CEP63: variants seen among roughly 807,000 people sequenced by gnomAD.
CEP63 encodes centrosomal protein 63, also known as centrosomal protein of 63 kDa.
Under a neutral mutation model 89.1 loss-of-function variants are expected in CEP63, and 84 were observed. That is an observed-to-expected ratio of 0.94 (90% CI 0.79 to 1.13). The LOEUF (loss-of-function observed/expected upper bound fraction) is 1.13. Among genes scored for constraint, CEP63 ranks in the 50% most tolerant of loss-of-function variants. The probability of loss-of-function intolerance (pLI) is 0.00; values close to 1 mark genes in which losing one functional copy is unlikely to be tolerated. For missense variants in CEP63, 838 were observed against 813.3 expected (o/e 1.03, Z -0.37); for synonymous variants, 267 against 272.5 (o/e 0.98, Z 0.20).
chr3:134,544,356 C>T (rs1952721597), intron 6 of CEP63, among the ~76,000 whole-genome samples: 1 of 152,220 alleles, frequency 6.6e-6, no homozygotes, highest in South Asian at 2.1e-4. Flanking sequence ...CCCAATACTG[C>T]TGGGATGCAT....
the CEP63 span, among the ~76,000 whole-genome samples, chr3:134,711,092 C>G: frequency 6.6e-6 from 1 of 152,136 alleles, no homozygotes; most frequent in Non-Finnish European, 1.5e-5. Flanking sequence ...CTCCACTCTT[C>G]TCTTCCCCCA....
At chr3:134,735,193 A>G in the CEP63 span, among the ~76,000 whole-genome samples, 2 of 152,150 alleles carry the variant, frequency 1.3e-5, no homozygotes, top group Non-Finnish European at 2.9e-5. Flanking sequence ...GCTGCTTTCC[A>G]TCTTTTCTAT....
At chr3:134,547,236 A>G (rs1577281364) in intron 8 of CEP63, 99 bp from the exon 9 acceptor site, 1 of 1,137,380 alleles carries the variant, frequency 8.8e-7, no homozygotes, top group East Asian at 2.4e-5. Context: ...AAGAGTTCCA[A>G]AGAGGTTACC....
the CEP63 span, among the ~76,000 whole-genome samples, chr3:134,709,664 G>GTTCTCATAATATT: frequency 6.6e-6 from 1 of 152,190 alleles, no homozygotes; most frequent in Non-Finnish European, 1.5e-5. Context: ...TGCAGCACTT[G>GTTCTCATAATATT]CTCATAAATA....
At chr3:134,556,628 A>C (rs546421232) in intron 12 of CEP63, among the ~76,000 whole-genome samples, 19 of 152,166 alleles carry the variant, frequency 1.2e-4, no homozygotes, top group Non-Finnish European at 2.4e-4. Context: ...TGCAGTGATT[A>C]TCTGTTCATA....
At chr3:134,743,562 A>G in the CEP63 span, among the ~76,000 whole-genome samples, 1 of 152,228 alleles carries the variant, frequency 6.6e-6, no homozygotes, top group African/African-American at 2.4e-5. Context: ...TCAGGGCTCT[A>G]TTGGGCCTAC....
At chr3:134,760,348 C>G in the CEP63 span, among the ~76,000 whole-genome samples, 3 of 152,272 alleles carry the variant, frequency 2.0e-5, no homozygotes, top group South Asian at 4.1e-4. Context: ...CCTGAGCCAC[C>G]GCGCCCGGCC....
downstream of CEP63, among the ~76,000 whole-genome samples, chr3:134,588,091 G>C (rs964022336): frequency 1.3e-5 from 2 of 152,154 alleles, no homozygotes; most frequent in South Asian, 4.1e-4. Flanking sequence ...CCAGGAGTTC[G>C]AGACCAGCCT....
chr3:134,665,702 CAGAG>C, the CEP63 span, among the ~76,000 whole-genome samples: 15 of 102,382 alleles, frequency 1.5e-4, no homozygotes, highest in African/African-American at 2.4e-4. Flanking sequence ...CACACACACA[CAGAG>C]AGAGAGAGAG....
At chr3:134,606,864 C>T in the CEP63 span, 10 of 942,170 alleles carry the variant, frequency 1.1e-5, no homozygotes, top group Non-Finnish European at 1.3e-5. Flanking sequence ...TAGAGCCTGG[C>T]AGCTTTCCAG....
chr3:134,488,340 G>A (rs1191549499), intron 1 of CEP63, among the ~76,000 whole-genome samples: 5 of 152,126 alleles, frequency 3.3e-5, no homozygotes, highest in Admixed American at 2.6e-4. Flanking sequence ...TTGGCCGGGC[G>A]CGGTGACTCA....
chr3:134,680,754 C>T, the CEP63 span, among the ~76,000 whole-genome samples: 10 of 152,190 alleles, frequency 6.6e-5, no homozygotes, highest in South Asian at 6.2e-4. Context: ...GAGCTAGTGG[C>T]TCGAAAAGAA....
chr3:134,689,713 C>G, the CEP63 span, among the ~76,000 whole-genome samples: 1 of 152,118 alleles, frequency 6.6e-6, no homozygotes, highest in Non-Finnish European at 1.5e-5. Flanking sequence ...CTCAGCCTCC[C>G]AAAGTGCTAG....
At chr3:134,531,323 G>T (rs1319914441) in intron 3 of CEP63, among the ~76,000 whole-genome samples, 1 of 152,144 alleles carries the variant, frequency 6.6e-6, no homozygotes, top group Non-Finnish European at 1.5e-5. Context: ...GATGGCTCAC[G>T]CCTGTAATCC....
At chr3:134,769,545 C>T in the CEP63 span, among the ~76,000 whole-genome samples, 1 of 152,198 alleles carries the variant, frequency 6.6e-6, no homozygotes, top group Non-Finnish European at 1.5e-5. Context: ...CACAGGGACT[C>T]CAATATCCAC....
At chr3:134,504,113 CTTT>C (rs74269454) in intron 2 of CEP63, among the ~76,000 whole-genome samples, 2 of 143,882 alleles carry the variant, frequency 1.4e-5, no homozygotes, top group Admixed American at 7.0e-5. Context: ...GTCTCTCTCT[CTTT>C]TTTTTTTTTA....
intron 10 of CEP63, among the ~76,000 whole-genome samples, chr3:134,586,328 T>A (rs1181467702): frequency 6.6e-6 from 1 of 152,224 alleles, no homozygotes; most frequent in Non-Finnish European, 1.5e-5. Flanking sequence ...CAGTGGCTGG[T>A]ACCAGTTGTT....
chr3:134,718,129 C>T, the CEP63 span, among the ~76,000 whole-genome samples: 1 of 152,154 alleles, frequency 6.6e-6, no homozygotes, highest in African/African-American at 2.4e-5. Flanking sequence ...ATGTTTCACA[C>T]CATGTTTGTA....
At chr3:134,674,502 G>T in the CEP63 span, among the ~76,000 whole-genome samples, 10 of 152,138 alleles carry the variant, frequency 6.6e-5, no homozygotes, top group African/African-American at 2.4e-4. Flanking sequence ...GTAAAAGACT[G>T]AAAGCCTTCC....
Sources: allele counts gnomAD v4.1 joint callset (sites outside exome capture counted in the v4.1 genomes callset), GRCh38; gene constraint gnomAD v4.1.1; transcripts MANE v1.5; gene names NCBI Gene and HGNC (gene_info 2026-07-23, HGNC 2026-07-21).